EVA1C: variants seen among roughly 807,000 people sequenced by gnomAD.
The protein encoded by EVA1C is protein eva-1 homolog C.
Under a neutral mutation model 45.4 loss-of-function variants are expected in EVA1C, and 25 were observed. That is an observed-to-expected ratio of 0.55 (90% CI 0.40 to 0.77). The LOEUF (loss-of-function observed/expected upper bound fraction) is 0.77. Ranked by LOEUF, EVA1C falls within the 30% of genes least tolerant of loss-of-function variation. The pLI, the probability that EVA1C is intolerant of heterozygous loss-of-function variation, is 0.00. For missense variants in EVA1C, 479 were observed against 554.8 expected, an observed-to-expected ratio of 0.86 and a Z score of 1.37; for synonymous variants, 190 against 221.2, an observed-to-expected ratio of 0.86 and a Z score of 1.25.
chr21:32,439,501 G>A (rs796303960), intron 1 of EVA1C, among the ~76,000 whole-genome samples: 2 of 152,272 alleles, frequency 1.3e-5, no homozygotes, highest in African/African-American at 4.8e-5. Flanking sequence ...CTGTGTTTCT[G>A]TGAAATACAA....
rs1601423758 is a variant in EVA1C, at chr21:32,497,873, C to A, written c.778+2703C>A. Among the ~76,000 whole-genome samples, 4 of 152,238 alleles carry A rather than the reference C, an allele frequency of 2.6e-5. No individual in the cohort carries two copies. The South Asian group carries it at 8.3e-4, about 32-fold the overall frequency. ...TTTTAAACCATCAGATCTCGTGAGT[C>A]CCTTTCACTATCAAGACAACAGCCC... is the stretch of plus-strand genomic sequence containing the variant. On this transcript the variant is annotated intron_variant, in intron 5 of 7. Transcript: ENST00000300255.
intron 3 of EVA1C, among the ~76,000 whole-genome samples, chr21:32,466,276 G>A (rs1055835809): frequency 1.2e-4 from 18 of 152,048 alleles, no homozygotes; most frequent in Non-Finnish European, 1.9e-4. Flanking sequence ...AAAATTAGCC[G>A]GATGTGGTGG....
intron 7 of EVA1C, among the ~76,000 whole-genome samples, chr21:32,507,185 T>C (rs1293042999): frequency 1.3e-5 from 2 of 152,318 alleles, no homozygotes; most frequent in East Asian, 3.9e-4. Flanking sequence ...ATCTGAATGA[T>C]CTGTGAGATG....
intron 1 of EVA1C, among the ~76,000 whole-genome samples, chr21:32,446,562 G>T (rs1175205287): frequency 1.3e-5 from 2 of 152,214 alleles, no homozygotes; most frequent in African/African-American, 4.8e-5. Flanking sequence ...GGTGTGGGAA[G>T]TTCAGTGGCA....
chr21:32,439,795 A>G (rs905051862), intron 1 of EVA1C, among the ~76,000 whole-genome samples: 1 of 152,162 alleles, frequency 6.6e-6, no homozygotes, highest in African/African-American at 2.4e-5. Flanking sequence ...TCATCTTCAA[A>G]ATAGATTTTT....
intron 5 of EVA1C, among the ~76,000 whole-genome samples, chr21:32,500,633 C>A (rs1459015185): frequency 6.6e-6 from 1 of 152,024 alleles, no homozygotes; most frequent in Non-Finnish European, 1.5e-5. Flanking sequence ...ATTCCCACCC[C>A]CCCGGTCCCA....
chr21:32,507,494 G>T (rs1236294026), intron 7 of EVA1C, among the ~76,000 whole-genome samples: 1 of 151,416 alleles, frequency 6.6e-6, no homozygotes, highest in Non-Finnish European at 1.5e-5. Context: ...GCGTCTGTGT[G>T]CGTGTGTCTG....
At chr21:32,471,526 A>T (rs2036375711) in intron 4 of EVA1C, among the ~76,000 whole-genome samples, 1 of 151,452 alleles carries the variant, frequency 6.6e-6, no homozygotes, top group Non-Finnish European at 1.5e-5. Context: ...GGGTTTCACC[A>T]TGTTGGTCAG....
At chr21:32,431,352 A>C (rs2034695639) in intron 1 of EVA1C, among the ~76,000 whole-genome samples, 1 of 152,184 alleles carries the variant, frequency 6.6e-6, no homozygotes, top group South Asian at 2.1e-4. Context: ...AGATCTCAAA[A>C]CAAGCAGACA....
intron 1 of EVA1C, among the ~76,000 whole-genome samples, chr21:32,418,588 G>A (rs931141132): frequency 3.3e-5 from 5 of 152,170 alleles, no homozygotes; most frequent in Admixed American, 1.3e-4. Context: ...AGTCTCATTT[G>A]CAGATGAGAA....
At chr21:32,486,496 T>C (rs939308896) in intron 4 of EVA1C, among the ~76,000 whole-genome samples, 1 of 152,302 alleles carries the variant, frequency 6.6e-6, no homozygotes, top group Non-Finnish European at 1.5e-5. Flanking sequence ...CTGCTTCCTC[T>C]ATGCCCCTGT....
intron 6 of EVA1C, among the ~76,000 whole-genome samples, chr21:32,503,663 G>T (rs2037630841): frequency 6.6e-6 from 1 of 152,172 alleles, no homozygotes; most frequent in Admixed American, 6.5e-5. Context: ...CAGTGGAGTG[G>T]AAGACCAGCA....
chr21:32,502,192 G>A (rs1313651920), intron 6 of EVA1C, among the ~76,000 whole-genome samples: 5 of 151,540 alleles, frequency 3.3e-5, no homozygotes, highest in South Asian at 2.1e-4. Context: ...CTCTGCCTCC[G>A]GGTTCAAGCG....
chr21:32,430,457 G>T (rs1181056465), intron 1 of EVA1C, among the ~76,000 whole-genome samples: 1 of 152,086 alleles, frequency 6.6e-6, no homozygotes, highest in Non-Finnish European at 1.5e-5. Context: ...TCCATTTTGG[G>T]GTCCGGGGAT....
chr21:32,456,512 A>AT, intron 2 of EVA1C, among the ~76,000 whole-genome samples: 1 of 151,926 alleles, frequency 6.6e-6, no homozygotes, highest in Non-Finnish European at 1.5e-5. Context: ...TTTCTTGGGT[A>AT]TTTTTTCCTG....
rs570792945 is a variant in EVA1C at position 32,503,969 on chromosome 21, T to C, written c.903T>C (p.Asp301=). The C allele has an allele frequency of 1.1e-5, 17 of 1,611,844 alleles. No homozygotes were observed. In the South Asian group the frequency reaches 1.5e-4, roughly 15 times the overall value. The stretch of plus-strand genomic sequence containing the variant: ...GCGGATCGAAGGTTCTGAGGAAAGA[T>C]GGAATTCTTGTTAGCAACTCTCTGG... The part of the protein sequence containing the change: ...DPSGSKVLRK[D]GILVSNSLAA... Residue 301 remains aspartate (D), a synonymous_variant, in exon 7 of 8, where the codon GAT becomes GAC. Transcript: ENST00000300255.
intron 1 of EVA1C, among the ~76,000 whole-genome samples, chr21:32,441,829 C>T (rs1448935804): frequency 6.6e-6 from 1 of 152,156 alleles, no homozygotes; most frequent in Non-Finnish European, 1.5e-5. Context: ...CCAATGTTAA[C>T]TACAAGAATT....
At chr21:32,438,606 A>G (rs1355371725) in intron 1 of EVA1C, among the ~76,000 whole-genome samples, 4 of 152,038 alleles carry the variant, frequency 2.6e-5, no homozygotes, top group African/African-American at 9.7e-5. Context: ...CATGTGTAGT[A>G]GCAGCCATTC....
At chr21:32,456,137 C>A (rs1232682493) in intron 2 of EVA1C, among the ~76,000 whole-genome samples, 4 of 152,140 alleles carry the variant, frequency 2.6e-5, no homozygotes. Context: ...GGTGATCTGC[C>A]CGCTTCGGCC....
Sources: allele counts gnomAD v4.1 joint callset (sites outside exome capture counted in the v4.1 genomes callset), GRCh38; gene constraint gnomAD v4.1.1; transcripts MANE v1.5; gene names NCBI Gene and HGNC (gene_info 2026-07-23, HGNC 2026-07-21).